The following KHDRBS2 variants were observed in gnomAD, a reference collection of about 807,000 sequenced individuals.
KHDRBS2 encodes the protein KH domain-containing, RNA-binding, signal transduction-associated protein 2.
A neutral mutation model predicts 44.3 loss-of-function variants in KHDRBS2; 26 were observed. The observed-to-expected ratio is 0.59, with a 90% CI of 0.43 to 0.81. The LOEUF (loss-of-function observed/expected upper bound fraction) is 0.81, where lower values mean the gene tolerates loss of function less well. Ranked by LOEUF, KHDRBS2 falls within the 40% of genes least tolerant of loss-of-function variation. KHDRBS2 has a pLI of 0.00. For missense variants in KHDRBS2, 476 were observed against 433.1 expected (o/e 1.10, Z -0.88); for synonymous variants, 194 against 151.1 (o/e 1.28, Z -2.08).
chr6:61,797,213 A>T (rs1785490037), intron 6 of KHDRBS2, among the ~76,000 whole-genome samples: 1 of 152,158 alleles, frequency 6.6e-6, no homozygotes, highest in Admixed American at 6.6e-5. Flanking sequence ...GCAGTAAAAA[A>T]GAAATTGAGT....
the KHDRBS2 span, among the ~76,000 whole-genome samples, chr6:61,628,448 C>T: frequency 2.6e-5 from 4 of 152,086 alleles, no homozygotes; most frequent in South Asian, 2.1e-4. Context: ...GTCCAAACTC[C>T]GCAGCTGCAG....
chr6:61,696,237 T>TTTTTTTTATTTATTTATTTATTTA (rs1554162476), intron 8 of KHDRBS2, among the ~76,000 whole-genome samples: 187 of 146,116 alleles, frequency 1.3e-3, no homozygotes, highest in African/African-American at 4.6e-3. Context: ...CATATATGTA[T>TTTTTTTTATTTATTTATTTATTTA]TTTATTTATT....
At chr6:61,914,784 A>C (rs1368517090) in intron 4 of KHDRBS2, among the ~76,000 whole-genome samples, 1 of 152,124 alleles carries the variant, frequency 6.6e-6, no homozygotes, top group Admixed American at 6.6e-5. Context: ...ATCATGAATA[A>C]TCTTGCTTAG....
At chr6:61,551,109 C>A in the KHDRBS2 span, among the ~76,000 whole-genome samples, 1 of 152,064 alleles carries the variant, frequency 6.6e-6, no homozygotes, top group African/African-American at 2.4e-5. Flanking sequence ...ATTTGTATTT[C>A]TTTAATGGTT....
rs1270236308 is a variant in KHDRBS2 at position 62,019,947 on chromosome 6, CTT to C, written c.336+27929_336+27930del. Among the ~76,000 whole-genome samples the C allele has an allele frequency of 9.3e-5, 14 of 150,920 alleles. No individual in the cohort carries two copies. In the East Asian group the frequency reaches 2.5e-3, roughly 27 times the overall value. Reference sequence around the variant, plus strand: ...ATGTTCAATCTGATCTTTATTATTTCTTTTCTTTTCTTTATTTTATACTTAAT... The same window carrying C: ...ATGTTCAATCTGATCTTTATTATTTCTTCTTTTCTTTATTTTATACTTAAT... On this transcript the variant is annotated intron_variant, in intron 3 of 8. Transcript: ENST00000281156.
chr6:62,144,058 C>A (rs1377094119), intron 2 of KHDRBS2, among the ~76,000 whole-genome samples: 1 of 151,888 alleles, frequency 6.6e-6, no homozygotes, highest in Non-Finnish European at 1.5e-5. Context: ...CCAAAAACAT[C>A]TTTCAAAATT....
At chr6:62,106,801 T>C (rs1411494889) in intron 2 of KHDRBS2, among the ~76,000 whole-genome samples, 2 of 152,234 alleles carry the variant, frequency 1.3e-5, no homozygotes, top group East Asian at 1.9e-4. Context: ...CACAAATCAA[T>C]AAATGTAATC....
intron 6 of KHDRBS2, among the ~76,000 whole-genome samples, chr6:61,864,476 C>T (rs1014341239): frequency 5.3e-5 from 8 of 152,154 alleles, no homozygotes; most frequent in Non-Finnish European, 1.2e-4. Flanking sequence ...TGGATTCCCT[C>T]AGCATTTGCT....
chr6:62,079,534 G>T (rs1391042944), intron 2 of KHDRBS2, among the ~76,000 whole-genome samples: 2 of 151,974 alleles, frequency 1.3e-5, no homozygotes, highest in East Asian at 1.9e-4. Flanking sequence ...CAATATTTGA[G>T]CATCTTCGTA....
At chr6:62,107,319 A>C (rs1803670415) in intron 2 of KHDRBS2, among the ~76,000 whole-genome samples, 1 of 152,350 alleles carries the variant, frequency 6.6e-6, no homozygotes, top group Admixed American at 6.5e-5. Context: ...AGAGAGCCAA[A>C]TCATGAGTGA....
chr6:62,011,989 AT>A (rs1259506273), intron 3 of KHDRBS2, among the ~76,000 whole-genome samples: 1 of 152,178 alleles, frequency 6.6e-6, no homozygotes, highest in Non-Finnish European at 1.5e-5. Context: ...TGGTAGGGTT[AT>A]TTACACAAAG....
intron 1 of KHDRBS2, among the ~76,000 whole-genome samples, chr6:62,215,559 T>C (rs1563077439): frequency 6.6e-6 from 1 of 151,614 alleles, no homozygotes; most frequent in Non-Finnish European, 1.5e-5. Flanking sequence ...CCAACCACAA[T>C]AAAAAAATAC....
In KHDRBS2 at chr6:61,761,793, G is replaced by A. The variant is rs540554521; in HGVS notation, c.811-29029C>T. Among the ~76,000 whole-genome samples, 18 of 152,216 alleles carry A rather than the reference G, an allele frequency of 1.2e-4. No homozygotes were observed. The South Asian group carries it at 3.5e-3, about 30-fold the overall frequency. On this transcript the variant is annotated intron_variant, in intron 6 of 8. Coordinates refer to ENST00000281156, the MANE Select transcript of KHDRBS2 (RefSeq NM_152688.4). The stretch of plus-strand genomic sequence containing the variant: ...ATACAAACATTGTATTTGGGGTGGT[G>A]GAGAAGATTTTGAGTTAATTTGCAC...
chr6:62,232,213 T>C (rs1833002686), intron 1 of KHDRBS2, among the ~76,000 whole-genome samples: 1 of 152,174 alleles, frequency 6.6e-6, no homozygotes, highest in South Asian at 2.1e-4. Flanking sequence ...GATATTATGT[T>C]AGGTATCTAG....
chr6:61,848,623 T>C (rs1371025015), intron 6 of KHDRBS2, among the ~76,000 whole-genome samples: 1 of 137,122 alleles, frequency 7.3e-6, no homozygotes, highest in African/African-American at 2.7e-5. Context: ...CAGGCTTTTT[T>C]CATATGTCCT....
intron 6 of KHDRBS2, among the ~76,000 whole-genome samples, chr6:61,795,199 A>G (rs1428711961): frequency 2.6e-5 from 4 of 151,402 alleles, no homozygotes; most frequent in Admixed American, 2.0e-4. Context: ...TTTCTACACT[A>G]CTTTCTAATT....
At chr6:61,588,893 T>G in the KHDRBS2 span, among the ~76,000 whole-genome samples, 26 of 152,104 alleles carry the variant, frequency 1.7e-4, no homozygotes, top group African/African-American at 5.8e-4. Context: ...GCCATAAAAA[T>G]AATGAGTTCA....
the KHDRBS2 span, among the ~76,000 whole-genome samples, chr6:61,591,369 C>T: frequency 6.6e-6 from 1 of 152,030 alleles, no homozygotes; most frequent in South Asian, 2.1e-4. Context: ...ATTAGAAAAC[C>T]AAAACCATTA....
chr6:61,850,979 C>G (rs1795324857), intron 6 of KHDRBS2, among the ~76,000 whole-genome samples: 1 of 152,030 alleles, frequency 6.6e-6, no homozygotes, highest in South Asian at 2.1e-4. Flanking sequence ...GAAAACCTCC[C>G]CTGAATGACT....
Sources: gnomAD v4.1 joint callset for allele counts (sites outside exome capture counted in the v4.1 genomes callset) on GRCh38, gnomAD v4.1.1 for gene constraint, MANE v1.5 for transcripts, NCBI Gene and HGNC (gene_info 2026-07-23, HGNC 2026-07-21) for gene names.